Variants in NRXN2 observed in about 807,000 individuals in gnomAD.
The protein encoded by NRXN2 is neurexin-2-beta.
In NRXN2, 29 loss-of-function variants were observed where a neutral mutation model predicts 128.8. The observed-to-expected ratio is 0.23, with a 90% CI of 0.17 to 0.31. NRXN2 has a LOEUF of 0.31. Ranked by LOEUF, NRXN2 falls within the 10% of genes least tolerant of loss-of-function variation. NRXN2 has a pLI of 1.00. For missense variants in NRXN2, 1,881 were observed against 2,452.6 expected (o/e 0.77, Z 4.92); for synonymous variants, 1,098 against 1,075.2 (o/e 1.02, Z -0.41).
chr11:64,714,247 C>T lies in NRXN2; in HGVS notation c.-244-304G>A, dbSNP rs1051522569. 1.3e-5 allele frequency among the ~76,000 whole-genome samples: 2 copies of T among 151,972 alleles called. No homozygotes were observed. Among genetic ancestry groups the T allele is most frequent in the South Asian group, 4.1e-4 (2 of 4,822 alleles). On this transcript the variant is annotated intron_variant, in intron 1 of 22. Transcript: ENST00000265459. This position sits in a 1 kb window ranked among gnomAD's most constrained non-coding sequence, Gnocchi z 4.5. ...CCGCTCCCTCACCCTCTCAAAGGAC[C>T]CCAGTGTCAGGAAGGACCAAGGCCA...
Position 64,660,840 on chromosome 11 carries a change from G to A in NRXN2, c.2098C>T (p.Arg700Cys), listed in dbSNP as rs536698209. ...TLKQCASAPCRNGGVCREGWN... is the reference protein window; with the variant it reads ...TLKQCASAPCCNGGVCREGWN... The stretch of plus-strand genomic sequence containing the variant: ...CCTTCTCGACAGACGCCCCCATTGC[G>A]ACAGGGGGCAGATGCACACTGCTTC... The change falls in exon 10 of 23, where the codon CGC (arginine) becomes TGC (cysteine). Residue 700 changes from arginine to cysteine, a missense_variant. This residue lies in a region of NRXN2 where 997 missense variants were observed against 1,240.8 expected (regional missense o/e 0.80). Transcript: ENST00000265459. The surrounding 1 kb of genome is among the most constrained non-coding windows in gnomAD (Gnocchi z 5.2). 6.7e-5 allele frequency: 108 copies of A among 1,614,016 alleles called. 1 individual carries two copies. In the Middle Eastern group the frequency reaches 8.2e-4, roughly 12 times the overall value.
chr11:64,648,584 C>T lies in NRXN2; in HGVS notation c.3283+150G>A, dbSNP rs2047041121. 8.6e-7 allele frequency: 1 copy of T among 1,162,188 alleles called. No homozygotes were observed. 72.0% of individuals were successfully genotyped at this position (1,162,188 alleles called of 1,614,324 possible). A position where few individuals can be genotyped will look rare whatever the true frequency, so the allele number is the denominator to read the frequency against. On this transcript the variant is annotated intron_variant, in intron 16 of 22. Transcript: ENST00000265459. This position sits in a 1 kb window ranked among gnomAD's most constrained non-coding sequence, Gnocchi z 4.1. Reference sequence around the variant, plus strand: ...CAAGTGACCCTTCACACACCTGTATCCCTGCCCCAGAACTGTGGGGGCAAG... The same window carrying T: ...CAAGTGACCCTTCACACACCTGTATTCCTGCCCCAGAACTGTGGGGGCAAG...
rs2054437643 is a variant in NRXN2, at chr11:64,695,869, C to T, written c.748+1906G>A. Among the ~76,000 whole-genome samples the T allele has an allele frequency of 2.0e-5, 3 of 152,248 alleles. No homozygotes were observed. The South Asian group carries it at 6.2e-4, about 32-fold the overall frequency. On this transcript the variant is annotated intron_variant, in intron 3 of 22. Transcript: ENST00000265459. ...GGTGGCGTCCACAGGCCTCCTTCCC[C>T]ATGGGTCCCCAAAGCCCAGCTTCCC... is the stretch of plus-strand genomic sequence containing the variant.
intron 7 of NRXN2, among the ~76,000 whole-genome samples, chr11:64,670,421 G>A (rs1033784648): frequency 3.3e-5 from 5 of 152,250 alleles, no homozygotes; most frequent in South Asian, 4.2e-4. Context: ...GAGAAGGGCT[G>A]GAGAAAGGGA....
chr11:64,649,075 C>A (rs369375167), intron 15 of NRXN2, among the ~76,000 whole-genome samples, 168 bp from the exon 16 acceptor site: 2 of 152,292 alleles, frequency 1.3e-5, no homozygotes, highest in African/African-American at 4.8e-5. Context: ...ACCCCCCCAA[C>A]ACACTTCTTC....
chr11:64,705,807 AG>A (rs1391996545), intron 2 of NRXN2, among the ~76,000 whole-genome samples: 1 of 150,638 alleles, frequency 6.6e-6, no homozygotes, highest in Non-Finnish European at 1.5e-5. Flanking sequence ...CCAACCGTGC[AG>A]ACCTGAAACT....
chr11:64,647,074 T>C (rs1185867152), intron 17 of NRXN2, among the ~76,000 whole-genome samples: 1 of 152,150 alleles, frequency 6.6e-6, no homozygotes, highest in East Asian at 1.9e-4. Flanking sequence ...GCCCAGGTGA[T>C]GAAGGTCCCG....
Position 64,660,642 on chromosome 11 carries a change from G to A in NRXN2, c.2186-107C>T. 6.3e-7 allele frequency: 1 copy of A among 1,589,774 alleles called. No homozygotes were observed. Among genetic ancestry groups the A allele is most frequent in the South Asian group, 1.1e-5 (1 of 90,550 alleles). On this transcript the variant is annotated intron_variant, in intron 10 of 22. Coordinates refer to ENST00000265459, the MANE Select transcript of NRXN2 (RefSeq NM_015080.4). This position sits in a 1 kb window ranked among gnomAD's most constrained non-coding sequence, Gnocchi z 5.2. ...GGCGAAAAGCCTAGGGCAGGTCTAT[G>A]AGGGGTTCCCCTAGGAGGAGGTGGC...
intron 6 of NRXN2, among the ~76,000 whole-genome samples, chr11:64,683,665 C>G (rs994214526): frequency 7.9e-5 from 12 of 151,996 alleles, no homozygotes; most frequent in African/African-American, 2.7e-4. Context: ...CCCAGAATCC[C>G]TTTTTAAAGA....
intron 11 of NRXN2, among the ~76,000 whole-genome samples, chr11:64,658,692 G>A (rs1427358122): frequency 6.6e-5 from 10 of 152,344 alleles, no homozygotes; most frequent in African/African-American, 1.9e-4. Context: ...CAAATGCCCC[G>A]GAGACCAATG....
intron 12 of NRXN2, 103 bp from the exon 13 acceptor site, chr11:64,652,257 C>T: frequency 1.4e-6 from 2 of 1,434,276 alleles, no homozygotes; most frequent in South Asian, 2.5e-5. Flanking sequence ...CCCGCACATG[C>T]CACACATGAA....
chr11:64,696,752 C>T (rs568308835), intron 3 of NRXN2, among the ~76,000 whole-genome samples: 1 of 152,288 alleles, frequency 6.6e-6, no homozygotes, highest in East Asian at 1.9e-4. Context: ...TCCCCAGGGA[C>T]GCCCTTGCCC....
At chr11:64,613,193 CAT>C (rs1194130576) in intron 22 of NRXN2, among the ~76,000 whole-genome samples, 1 of 152,266 alleles carries the variant, frequency 6.6e-6, no homozygotes, top group Non-Finnish European at 1.5e-5. Context: ...GCCCCAAGCA[CAT>C]GTGTGCATGC....
At chr11:64,678,307 T>C (rs142945882) in intron 6 of NRXN2, among the ~76,000 whole-genome samples, 2,140 of 152,000 alleles carry the variant, frequency 0.014, 34 homozygotes, top group Middle Eastern at 0.095. Flanking sequence ...TTCAGAACTT[T>C]CCCCAAAAGT....
Position 64,648,853 on chromosome 11 carries a change from A to C in NRXN2, c.3164T>G (p.Leu1055Arg). The C allele has an allele frequency of 6.2e-7, 1 of 1,614,178 alleles. No homozygotes were observed. Among genetic ancestry groups the C allele is most frequent in the Non-Finnish European group, 8.5e-7 (1 of 1,180,018 alleles). Residue 1055 changes from leucine (L) to arginine (R), a missense_variant, in exon 16 of 23, where the codon CTG becomes CGG. Leu to Arg is a moderately radical substitution (Grantham distance 102). Transcript: ENST00000265459. The surrounding 1 kb of genome is among the most constrained non-coding windows in gnomAD (Gnocchi z 4.1). Reference protein sequence around the residue: ...SKNMFSNLPKLVASRDGFQGC... With the variant: ...SKNMFSNLPKRVASRDGFQGC... ...CTGAAAGCCATCCCGGGAGGCCACC[A>C]GCTTGGGCAGGTTGCTGAACATATT...
intron 17 of NRXN2, among the ~76,000 whole-genome samples, chr11:64,638,380 T>C (rs965910803): frequency 2.6e-5 from 4 of 152,122 alleles, no homozygotes. Flanking sequence ...GACATTTCTC[T>C]CCCCAGCACC....
intron 22 of NRXN2, among the ~76,000 whole-genome samples, chr11:64,615,173 T>C (rs907260037): frequency 6.6e-6 from 1 of 152,180 alleles, no homozygotes; most frequent in Non-Finnish European, 1.5e-5. Flanking sequence ...GCCCATAAAA[T>C]CTTCCACTTC....
intron 17 of NRXN2, among the ~76,000 whole-genome samples, chr11:64,644,716 C>G (rs1187090312): frequency 6.6e-6 from 1 of 151,220 alleles, no homozygotes; most frequent in Non-Finnish European, 1.5e-5. Context: ...CCTGGGGGAG[C>G]TGAAGAAACA....
Position 64,713,540 on chromosome 11 carries a change from T to G in NRXN2, c.160A>C (p.Ser54Arg). The change falls in exon 2 of 23, where the codon AGC (serine) becomes CGC (arginine). Residue 54 changes from serine (S) to arginine (R), a missense_variant. By Grantham distance (110) the Ser-to-Arg change is moderately radical. This residue lies in a region of NRXN2 where 997 missense variants were observed against 1,240.8 expected (regional missense o/e 0.80). Transcript: ENST00000265459. ...WAGAASSGEL[S>R]FSLRTNATRA... is the part of the protein sequence containing the mutation. Reference sequence around the variant, plus strand: ...GTGGCGTTGGTGCGCAGGCTGAAGCTGAGCTCGCCGCTGCTCGCCGCGCCC... The same window carrying G: ...GTGGCGTTGGTGCGCAGGCTGAAGCGGAGCTCGCCGCTGCTCGCCGCGCCC... 1 of 1,466,324 alleles carries G rather than the reference T, an allele frequency of 6.8e-7. No homozygotes were observed. Among genetic ancestry groups the G allele is most frequent in the Non-Finnish European group, 9.0e-7 (1 of 1,111,952 alleles). The allele number at this position is 1,466,324 out of a possible 1,614,324, so 90.8% of individuals were successfully genotyped here. A position where few individuals can be genotyped will look rare whatever the true frequency, so the allele number is the denominator to read the frequency against.
Sources: allele counts gnomAD v4.1 joint callset (sites outside exome capture counted in the v4.1 genomes callset), GRCh38; gene constraint gnomAD v4.1.1; regional missense constraint gnomAD v4.1.1; non-coding constraint Gnocchi (gnomAD v3.1); transcripts MANE v1.5; gene names NCBI Gene and HGNC (gene_info 2026-07-23, HGNC 2026-07-21).